Variants in CLEC12A observed in about 807,000 individuals in gnomAD.
The protein encoded by CLEC12A is C-type lectin protein CLL-1.
In CLEC12A, 22 loss-of-function variants were observed where a neutral mutation model predicts 26.5. The ratio of observed to expected loss-of-function variants is 0.83; its 90% confidence interval spans 0.59 to 1.19. The LOEUF (loss-of-function observed/expected upper bound fraction) is 1.19. Among genes scored for constraint, CLEC12A ranks in the 50% most tolerant of loss-of-function variants. The pLI, the probability that CLEC12A is intolerant of heterozygous loss-of-function variation, is 0.00. For synonymous variants in CLEC12A, 119 were observed against 101.9 expected (o/e 1.17, Z -1.01); for missense variants, 353 against 315.6 (o/e 1.12, Z -0.90).
intron 1 of CLEC12A, among the ~76,000 whole-genome samples, chr12:9,976,655 G>T (rs750165081): frequency 6.6e-6 from 1 of 152,192 alleles, no homozygotes; most frequent in Non-Finnish European, 1.5e-5. Context: ...TTTGGGGACT[G>T]TTGGGAAGGC....
chr12:9,957,024 G>A (rs1031415441), intron 1 of CLEC12A, among the ~76,000 whole-genome samples: 1 of 152,066 alleles, frequency 6.6e-6, no homozygotes, highest in East Asian at 1.9e-4. Flanking sequence ...TTTTGTTATC[G>A]ATATAAACCA....
At chr12:9,955,121 C>G (rs1863721425) in intron 1 of CLEC12A, among the ~76,000 whole-genome samples, 1 of 152,212 alleles carries the variant, frequency 6.6e-6, no homozygotes, top group Admixed American at 6.5e-5. Context: ...GAGTCTCACT[C>G]TGTCGCCCAG....
chr12:9,957,503 A>C (rs1230153182), intron 1 of CLEC12A, among the ~76,000 whole-genome samples: 1 of 151,648 alleles, frequency 6.6e-6, no homozygotes, highest in African/African-American at 2.4e-5. Context: ...AAAAAAAAAA[A>C]ACAAAAAAAC....
At chr12:10,000,339 CT>C (rs1865144015), downstream of CLEC12A, among the ~76,000 whole-genome samples, 2 of 152,288 alleles carry the variant, frequency 1.3e-5, no homozygotes, top group African/African-American at 4.8e-5. Flanking sequence ...TGTCAATTCA[CT>C]TAAAATTATC....
At chr12:9,995,026 T>C (rs1298589348) in exon 5 of CLEC12A, 8 of 1,578,358 alleles carry the variant, frequency 5.1e-6, no homozygotes, top group Non-Finnish European at 6.9e-6. Context: ...AGCAGGTAAG[T>C]GACCCAGCTG....
At position 9,980,368 on chromosome 12, in the gene CLEC12A, G is replaced by A. The variant is rs538613083; in HGVS notation, c.380-214G>A. ...CAGGAGAGTCACTTGAATCCAGGAGGTGGAGGCTGCTGTGAGCTGAGATCA... is the reference window on the plus strand; with the variant it reads ...CAGGAGAGTCACTTGAATCCAGGAGATGGAGGCTGCTGTGAGCTGAGATCA... On this transcript the variant is annotated intron_variant, in intron 3 of 5. Transcript: ENST00000304361. Among the ~76,000 whole-genome samples, 4 of 151,588 alleles carry A rather than the reference G, an allele frequency of 2.6e-5. No individual in the cohort carries two copies. In the East Asian group the frequency reaches 7.8e-4, roughly 29 times the overall value.
the CLEC12A span, among the ~76,000 whole-genome samples, chr12:10,003,315 TA>T: frequency 6.6e-6 from 1 of 152,284 alleles, no homozygotes; most frequent in South Asian, 2.1e-4. Flanking sequence ...GTTAATAAGC[TA>T]AACAATTAAT....
chr12:9,955,801 C>T (rs1224679853), intron 1 of CLEC12A, among the ~76,000 whole-genome samples: 2 of 152,210 alleles, frequency 1.3e-5, no homozygotes, highest in African/African-American at 4.8e-5. Context: ...GTGATTGCTT[C>T]TCCTATCAGA....
chr12:9,986,344 GAA>G (rs3053775), downstream of CLEC12A, among the ~76,000 whole-genome samples: 13,892 of 118,964 alleles, frequency 0.12, 817 homozygotes, highest in East Asian at 0.18. Context: ...AGTCTCCACT[GAA>G]AAAAAAAAAA....
At chr12:9,962,358 G>A (rs1863847449) in intron 1 of CLEC12A, among the ~76,000 whole-genome samples, 1 of 150,640 alleles carries the variant, frequency 6.6e-6, no homozygotes, top group Non-Finnish European at 1.5e-5. Flanking sequence ...GACTCTGAAG[G>A]TGTGTGTCTC....
At chr12:9,954,006 A>G (rs1454716853) in intron 1 of CLEC12A, among the ~76,000 whole-genome samples, 4 of 145,418 alleles carry the variant, frequency 2.8e-5, no homozygotes, top group Non-Finnish European at 6.0e-5. Context: ...AGATGCTTGA[A>G]GGCAGCATGC....
chr12:9,973,058 C>T (rs1864188809), intron 1 of CLEC12A, among the ~76,000 whole-genome samples: 1 of 152,142 alleles, frequency 6.6e-6, no homozygotes, highest in Non-Finnish European at 1.5e-5. Flanking sequence ...CTAATTTTCT[C>T]ATTATCGAGC....
At chr12:9,982,361 T>C (rs1864594637) in intron 5 of CLEC12A, among the ~76,000 whole-genome samples, 1 of 152,040 alleles carries the variant, frequency 6.6e-6, no homozygotes, top group Non-Finnish European at 1.5e-5. Context: ...TATGGAGAAC[T>C]CTGTAAATAA....
downstream of CLEC12A, among the ~76,000 whole-genome samples, chr12:9,995,922 G>A (rs969680904): frequency 2.0e-4 from 30 of 152,054 alleles, 1 homozygote. Context: ...TAACTGCATA[G>A]GTCCAAATTC....
chr12:9,980,470 A>T, intron 3 of CLEC12A, 112 bp from the exon 4 acceptor site: 1 of 1,127,898 alleles, frequency 8.9e-7, no homozygotes, highest in Non-Finnish European at 1.3e-6. Context: ...AGAAAGAAAA[A>T]GAAAGAAGAA....
chr12:9,994,574 A>G (rs1050156103), intron 4 of CLEC12A, among the ~76,000 whole-genome samples: 13 of 152,120 alleles, frequency 8.5e-5, no homozygotes, highest in East Asian at 1.9e-4. Flanking sequence ...ACTCAATGCA[A>G]TCAGTCCCTT....
At chr12:9,988,694 C>A (rs1309213316), downstream of CLEC12A, among the ~76,000 whole-genome samples, 1 of 152,108 alleles carries the variant, frequency 6.6e-6, no homozygotes, top group African/African-American at 2.4e-5. Flanking sequence ...GAATGGTGAT[C>A]ATTAAAAAGT....
chr12:9,993,757 TA>T (rs1864956239), intron 4 of CLEC12A, among the ~76,000 whole-genome samples: 1 of 152,168 alleles, frequency 6.6e-6, no homozygotes, highest in South Asian at 2.1e-4. Flanking sequence ...TGTTGCAAGA[TA>T]AATCATCTAA....
downstream of CLEC12A, chr12:9,985,748 G>GGGAGTA (rs1864750126): frequency 3.1e-6 from 1 of 321,532 alleles, no homozygotes; most frequent in African/African-American, 2.1e-5. Context: ...ACTCATAACT[G>GGGAGTA]GGAGTATTAT....
Sources: gnomAD v4.1 joint callset for allele counts (sites outside exome capture counted in the v4.1 genomes callset) on GRCh38, gnomAD v4.1.1 for gene constraint, MANE v1.5 for transcripts, NCBI Gene and HGNC (gene_info 2026-07-23, HGNC 2026-07-21) for gene names.